Variants in CYLD observed in about 807,000 individuals in gnomAD.
CYLD encodes CYLD lysine 63 deubiquitinase.
In CYLD, 26 loss-of-function variants were observed where a neutral mutation model predicts 104.5. The ratio of observed to expected loss-of-function variants is 0.25; its 90% confidence interval spans 0.18 to 0.35. The LOEUF (loss-of-function observed/expected upper bound fraction) is 0.35. CYLD is among the 10% of genes least tolerant of loss of function. CYLD has a pLI of 1.00. For synonymous variants in CYLD, 385 were observed against 399.9 expected (o/e 0.96, Z 0.45); for missense variants, 703 against 1,136.1 (o/e 0.62, Z 5.48).
intron 6 of CYLD, among the ~76,000 whole-genome samples, chr16:50,775,496 C>T (rs895546265): frequency 4.6e-5 from 7 of 152,252 alleles, no homozygotes; most frequent in Middle Eastern, 3.4e-3. Flanking sequence ...GTATACACAT[C>T]TGTGTTATTC....
Position 50,794,641 on chromosome 16 carries a change from G to A in CYLD, c.2686+213G>A. 1.8e-6 allele frequency: 1 copy of A among 570,816 alleles called. No homozygotes were observed. Among genetic ancestry groups the A allele is most frequent in the South Asian group, 2.0e-5 (1 of 51,018 alleles). The allele number at this position is 570,816 out of a possible 1,614,324, so 35.4% of individuals were successfully genotyped here. On this transcript the variant is annotated intron_variant, in intron 18 of 18. Transcript: ENST00000427738. This position sits in a 1 kb window ranked among gnomAD's most constrained non-coding sequence, Gnocchi z 4.1. ...TGTGTTTTTTTTTTTCCTTTTTTGA[G>A]ATGGAGTCTCACTCTGTCACCCAGG...
intron 18 of CYLD, chr16:50,795,841 T>G: frequency 1.8e-6 from 1 of 541,538 alleles, no homozygotes; most frequent in Non-Finnish European, 3.3e-6. Flanking sequence ...CCAGAGCACC[T>G]TCATCAGGGC....
At chr16:50,742,408 C>T (rs1196061040) in intron 1 of CYLD, 2 of 178,640 alleles carry the variant, frequency 1.1e-5, no homozygotes, top group Non-Finnish European at 2.3e-5. Context: ...GGTTTCCCCC[C>T]CCCACCGGGG....
intron 16 of CYLD, 40 bp from the exon 17 acceptor site, chr16:50,793,506 T>A (rs1385806737): frequency 2.4e-5 from 32 of 1,328,900 alleles, no homozygotes; most frequent in Middle Eastern, 1.8e-4. Context: ...GCATTTTTTT[T>A]AAAGTCCTCT....
chr16:50,750,180 T>C lies in CYLD; in HGVS notation c.482T>C (p.Ile161Thr), dbSNP rs891941021. Residue 161 changes from isoleucine to threonine, a missense_variant, in exon 3 of 19, where the codon ATA becomes ACA. This residue lies in a region of CYLD where 123 missense variants were observed against 213.3 expected (regional missense o/e 0.58). Coordinates refer to ENST00000427738, the MANE Select transcript of CYLD (RefSeq NM_001378743.1). Reference protein sequence around the residue: ...PLLAERTVSGIFFGVELLEEG... With the variant: ...PLLAERTVSGTFFGVELLEEG... ...TTAGCAGAGAGGACAGTCTCCGGAA[T>C]ATTCTTTGGAGTTGAATTGCTGGTA... 1.2e-6 allele frequency: 2 copies of C among 1,613,962 alleles called. No individual in the cohort carries two copies. Among genetic ancestry groups the C allele is most frequent in the Admixed American group, 3.3e-5 (2 of 60,030 alleles).
Position 50,779,669 on chromosome 16 carries a change from A to G in CYLD, c.1143A>G (p.Ala381=), listed in dbSNP as rs1431801828. The part of the protein sequence containing the change: ...SKNTWYIDEV[A]EDPAKSLTEI... ...TAATTAGGAATAATTTTTTAGTTGC[A>G]GAAGACCCTGCAAAATCTCTTACAG... The change falls in exon 9 of 19, where the codon GCA becomes GCG. Residue 381 remains alanine (A), a synonymous_variant. Transcript: ENST00000427738. 1 of 1,613,800 alleles carries G rather than the reference A, an allele frequency of 6.2e-7. No individual in the cohort carries two copies. The highest frequency in any genetic ancestry group is 1.1e-5 in the South Asian group (1 of 91,050).
chr16:50,767,566 C>A (rs900625240), intron 5 of CYLD, among the ~76,000 whole-genome samples: 1 of 151,334 alleles, frequency 6.6e-6, no homozygotes, highest in African/African-American at 2.4e-5. Context: ...TCTTTACCTA[C>A]CTTAATTGCA....
chr16:50,791,649 T>C lies in CYLD; in HGVS notation c.2200T>C (p.Leu734=), dbSNP rs1971441582. 1 of 1,613,774 alleles carries C rather than the reference T, an allele frequency of 6.2e-7. No homozygotes were observed. The highest frequency in any genetic ancestry group is 1.3e-5 in the African/African-American group (1 of 74,934). ...KVGVPTIQQL[L]EWSFINSNLK... Reference sequence around the variant, plus strand: ...TGGCGTTCCCACAATTCAGCAGTTGTTAGAATGGTCTTTTATCAACAGTAA... The same window carrying C: ...TGGCGTTCCCACAATTCAGCAGTTGCTAGAATGGTCTTTTATCAACAGTAA... The change falls in exon 15 of 19, where the codon TTA becomes CTA. Residue 734 remains leucine (L), a synonymous_variant. Coordinates refer to ENST00000427738, the MANE Select transcript of CYLD (RefSeq NM_001378743.1).
In CYLD at chr16:50,779,836, C is replaced by T; in HGVS notation, c.1310C>T (p.Pro437Leu). 1 of 1,613,848 alleles carries T rather than the reference C, an allele frequency of 6.2e-7. No homozygotes were observed. Among genetic ancestry groups the T allele is most frequent in the Non-Finnish European group, 8.5e-7 (1 of 1,179,982 alleles). ...ACCAATGGAAGTATTGGCCACAGTC[C>T]ACTTTCTCTGTCAGCCCAGTCTGTA... is the stretch of plus-strand genomic sequence containing the variant. ...PNTNGSIGHSPLSLSAQSVME... is the reference protein window; with the variant it reads ...PNTNGSIGHSLLSLSAQSVME... The change falls in exon 9 of 19, where the codon CCA (proline) becomes CTA (leucine). Residue 437 changes from proline (P) to leucine (L), a missense_variant. This residue lies in a region of CYLD where 183 missense variants were observed against 212.1 expected (regional missense o/e 0.86). Transcript: ENST00000427738.
intron 4 of CYLD, 89 bp downstream of exon 4, chr16:50,751,995 C>CAT (rs1167042528): frequency 6.0e-6 from 2 of 331,672 alleles, no homozygotes; most frequent in Non-Finnish European, 9.6e-6. Context: ...TATATACACA[C>CAT]ATATATATAC....
At chr16:50,786,265 A>G (rs1970804657) in intron 12 of CYLD, 1 of 152,246 alleles carries the variant, frequency 6.6e-6, no homozygotes, top group Non-Finnish European at 1.5e-5. Flanking sequence ...TCCCAAGCAA[A>G]TATTATTTAA....
chr16:50,792,759 T>C, intron 16 of CYLD, 54 bp downstream of exon 16: 1 of 967,670 alleles, frequency 1.0e-6, no homozygotes. Flanking sequence ...AATTGTCAGA[T>C]AATTCTCATC....
At chr16:50,790,640 T>C (rs563063088) in intron 14 of CYLD, among the ~76,000 whole-genome samples, 9 of 152,276 alleles carry the variant, frequency 5.9e-5, no homozygotes, top group African/African-American at 1.9e-4. Context: ...CAATTAAATT[T>C]TGTTTATTTG....
intron 18 of CYLD, chr16:50,795,596 T>C: frequency 1.4e-6 from 1 of 702,984 alleles, no homozygotes. Context: ...GGCCCTCCAG[T>C]AGCCTAAGAC....
At position 50,754,773 on chromosome 16, in the gene CYLD, G is replaced by A. The variant is rs190491421; in HGVS notation, c.913+349G>A. Among the ~76,000 whole-genome samples, 16 of 151,606 alleles carry A rather than the reference G, an allele frequency of 1.1e-4. No homozygotes were observed. The East Asian group carries it at 2.9e-3, about 28-fold the overall frequency. Reference sequence around the variant, plus strand: ...TTATTATACTTCTCTTAGAATAATAGCCTCCAATTCCATCCAGGTTGCTGT... The same window carrying A: ...TTATTATACTTCTCTTAGAATAATAACCTCCAATTCCATCCAGGTTGCTGT... On this transcript the variant is annotated intron_variant, in intron 5 of 18. Coordinates refer to ENST00000427738, the MANE Select transcript of CYLD (RefSeq NM_001378743.1).
At chr16:50,782,227 C>A in intron 10 of CYLD, 98 bp from the exon 11 acceptor site, 1 of 1,070,478 alleles carries the variant, frequency 9.3e-7, no homozygotes, top group Non-Finnish European at 1.3e-6. Flanking sequence ...CATCAAAATA[C>A]AAAAACATTT....
intron 5 of CYLD, among the ~76,000 whole-genome samples, chr16:50,770,453 CTTT>C (rs1187147281): frequency 1.4e-5 from 2 of 142,000 alleles, no homozygotes. Context: ...TTCTTTCTTT[CTTT>C]TTTTTTTTTT....
chr16:50,770,458 T>C (rs1597027890), intron 5 of CYLD, among the ~76,000 whole-genome samples: 2 of 151,878 alleles, frequency 1.3e-5, no homozygotes, highest in East Asian at 1.9e-4. Context: ...TCTTTCTTTT[T>C]TTTTTTTTTG....
chr16:50,776,308 A>G, intron 7 of CYLD, 31 bp downstream of exon 7: 1 of 1,405,408 alleles, frequency 7.1e-7, no homozygotes. Context: ...ACCTTTAGTA[A>G]TTTGCATAAT....
Sources: allele counts gnomAD v4.1 joint callset (sites outside exome capture counted in the v4.1 genomes callset), GRCh38; gene constraint gnomAD v4.1.1; regional missense constraint gnomAD v4.1.1; non-coding constraint Gnocchi (gnomAD v3.1); transcripts MANE v1.5; gene names NCBI Gene and HGNC (gene_info 2026-07-23, HGNC 2026-07-21).